COL20A1: variants seen among roughly 807,000 people sequenced by gnomAD.
The protein encoded by COL20A1 is collagen type XX alpha 1 chain, also known as collagen alpha-1(XX) chain.
Under a neutral mutation model 152.9 loss-of-function variants are expected in COL20A1, and 164 were observed. The ratio of observed to expected loss-of-function variants is 1.07; its 90% CI spans 0.94 to 1.22. The LOEUF (loss-of-function observed/expected upper bound fraction) is 1.22. Ranked by LOEUF, COL20A1 falls within the 50% of genes most tolerant of loss-of-function variation. The pLI is 0.00. For missense variants in COL20A1, 1,873 were observed against 1,744.8 expected (o/e 1.07, Z -1.31); for synonymous variants, 864 against 756.0 (o/e 1.14, Z -2.34).
chr20:63,311,142 ACCCCCCGGAGG>A lies in COL20A1; in HGVS notation c.1394-249_1394-239del, dbSNP rs2067999865. Among the ~76,000 whole-genome samples the A allele has an allele frequency of 6.6e-6, 1 of 151,176 alleles. No homozygotes were observed. The highest frequency in any genetic ancestry group is 1.5e-5 in the Non-Finnish European group (1 of 67,868). ...CTGGGTGTTTCCCAAAGCCCTTTTC[ACCCCCCGGAGG>A]CCACATTCCTCCCATGACCTCAAGG... On this transcript the variant is annotated intron_variant, in intron 11 of 35. Transcript: ENST00000358894. This position sits in a 1 kb window ranked among gnomAD's most constrained non-coding sequence, Gnocchi z 4.4.
At chr20:63,325,991 T>C in intron 29 of COL20A1, 105 bp from the exon 30 acceptor site, 1 of 1,054,618 alleles carries the variant, frequency 9.5e-7, no homozygotes, top group Admixed American at 1.8e-5. Flanking sequence ...TCACCTTTGC[T>C]GCTTGGGTTA....
At chr20:63,317,155 A>T (rs77578056) in intron 21 of COL20A1, among the ~76,000 whole-genome samples, 201 of 152,328 alleles carry the variant, frequency 1.3e-3, no homozygotes, top group African/African-American at 4.6e-3. Context: ...CTGTGATATA[A>T]GCTGCATGAC....
In COL20A1 at chr20:63,334,503, G is replaced by C. The variant is rs2123448703; in HGVS notation, c.*3787G>C. 1 of 152,320 alleles carries C rather than the reference G, an allele frequency of 6.6e-6. No homozygotes were observed. Among genetic ancestry groups the C allele is most frequent in the South Asian group, 2.1e-4 (1 of 4,822 alleles). 9.4% of individuals were successfully genotyped at this position (152,320 alleles called of 1,614,324 possible). On this transcript the variant is annotated 3_prime_UTR_variant, in exon 36 of 36. Transcript: ENST00000358894. Reference sequence around the variant, plus strand: ...GATCTCGGCTCAATGCAACCTCTGTGCCACCCTGGGCTCAAGTGGTCCTCC... The same window carrying C: ...GATCTCGGCTCAATGCAACCTCTGTCCCACCCTGGGCTCAAGTGGTCCTCC...
rs1469160204 is a variant in COL20A1 at position 63,319,544 on chromosome 20, C to G, written c.2864C>G (p.Ala955Gly). Residue 955 changes from alanine (A) to glycine (G), a missense_variant, in exon 23 of 36, where the codon GCC (alanine) becomes GGC (glycine). Physicochemically the swap from Ala to Gly is moderately conservative, Grantham distance 60. Transcript: ENST00000358894. This position sits in a 1 kb window ranked among gnomAD's most constrained non-coding sequence, Gnocchi z 4.4. Reference sequence around the variant, plus strand: ...GACCCCAGGGCTGCCTTGCAGGAGGCCACCTTCGACCCGCAGGAAGTGAGG... The same window carrying G: ...GACCCCAGGGCTGCCTTGCAGGAGGGCACCTTCGACCCGCAGGAAGTGAGG... ...HRDPRAALQE[A>G]TFDPQEVRKI... The G allele has an allele frequency of 1.3e-6, 2 of 1,597,988 alleles. No individual in the cohort carries two copies. Among genetic ancestry groups the G allele is most frequent in the East Asian group, 4.5e-5 (2 of 44,042 alleles).
At position 63,308,110 on chromosome 20, in the gene COL20A1, C is replaced by A. The variant is rs143059145; in HGVS notation, c.775+20C>A. 1 of 1,611,448 alleles carries A rather than the reference C, an allele frequency of 6.2e-7. No homozygotes were observed. The highest frequency in any genetic ancestry group is 8.5e-7 in the Non-Finnish European group (1 of 1,179,020). On this transcript the variant is annotated intron_variant, in intron 7 of 35. Transcript: ENST00000358894. ...TCACAGGTACGGCCCAGGCCTGCCC[C>A]TCCCTCTGTCCTGAGGGCGGACCTC... is the stretch of plus-strand genomic sequence containing the variant.
intron 3 of COL20A1, among the ~76,000 whole-genome samples, chr20:63,298,368 G>A (rs922453377): frequency 2.0e-5 from 3 of 152,032 alleles, no homozygotes; most frequent in African/African-American, 4.8e-5. Context: ...ACAGCTCCCC[G>A]CAGCCTCAAT....
Position 63,311,029 on chromosome 20 carries a change from C to G in COL20A1, c.1394-365C>G, listed in dbSNP as rs1036292440. ...CCTGCACCCCTAAGCACCCGCCCCC[C>G]CAGCCACCCCAAGCCACCTTCTGTC... On this transcript the variant is annotated intron_variant, in intron 11 of 35. Coordinates refer to ENST00000358894, the MANE Select transcript of COL20A1 (RefSeq NM_020882.4). This position sits in a 1 kb window ranked among gnomAD's most constrained non-coding sequence, Gnocchi z 4.4. Among the ~76,000 whole-genome samples the G allele has an allele frequency of 6.7e-6, 1 of 150,018 alleles. No individual in the cohort carries two copies. The highest frequency in any genetic ancestry group is 6.6e-5 in the Admixed American group (1 of 15,184).
chr20:63,303,998 T>C, intron 3 of COL20A1, among the ~76,000 whole-genome samples: 1 of 135,136 alleles, frequency 7.4e-6, no homozygotes. Flanking sequence ...CAGGTGTGGG[T>C]TCCTCCCTCC....
chr20:63,320,087 C>A lies in COL20A1; in HGVS notation c.2965C>A (p.Arg989=). Residue 989 remains arginine, a synonymous_variant, in exon 24 of 36, where the codon CGG becomes AGG. Transcript: ENST00000358894. The part of the protein sequence containing the change: ...RSKVRLYVDC[R]KVAERPLGEM... ...CAAGGTCAGGCTCTATGTGGACTGC[C>A]GGAAGGTGGCTGAGCGGCCCCTTGG... 3 of 1,555,074 alleles carry A rather than the reference C, an allele frequency of 1.9e-6. No homozygotes were observed. The highest frequency in any genetic ancestry group is 1.2e-5 in the South Asian group (1 of 84,534).
chr20:63,307,776 G>C, intron 6 of COL20A1, 128 bp downstream of exon 6: 1 of 1,218,972 alleles, frequency 8.2e-7, no homozygotes, highest in East Asian at 2.5e-5. Context: ...TGGGACGCCT[G>C]CTCCACATGG....
chr20:63,321,131 A>G (rs1302367338), intron 26 of COL20A1, 32 bp downstream of exon 26: 1 of 1,486,238 alleles, frequency 6.7e-7, no homozygotes, highest in Non-Finnish European at 9.2e-7. Context: ...TGGGGTGACC[A>G]GGGAACACTG....
chr20:63,312,578 T>C (rs1207181586), intron 15 of COL20A1, 29 bp downstream of exon 15: 7 of 1,526,518 alleles, frequency 4.6e-6, no homozygotes, highest in Non-Finnish European at 6.1e-6. Context: ...GGGCTGGGGG[T>C]CCAGCAGGGT....
chr20:63,326,062 A>C, intron 29 of COL20A1, 34 bp from the exon 30 acceptor site: 10 of 1,600,962 alleles, frequency 6.2e-6, no homozygotes, highest in Non-Finnish European at 8.6e-6. Context: ...ACAGGTACAA[A>C]CCCCACCCAG....
At chr20:63,304,092 T>TC (rs2067892192) in intron 3 of COL20A1, among the ~76,000 whole-genome samples, 16 of 88,728 alleles carry the variant, frequency 1.8e-4, no homozygotes, top group Admixed American at 3.7e-4. Flanking sequence ...TCCCTCCTCT[T>TC]CTCCCTCCAG....
intron 21 of COL20A1, among the ~76,000 whole-genome samples, chr20:63,317,682 C>T (rs1027565037): frequency 8.5e-5 from 13 of 152,178 alleles, no homozygotes; most frequent in South Asian, 2.1e-4. Flanking sequence ...TGGCTGAACT[C>T]GATGACTGTT....
Position 63,334,453 on chromosome 20 carries a change from C to G in COL20A1, c.*3737C>G, listed in dbSNP as rs1295642054. The stretch of plus-strand genomic sequence containing the variant: ...TTTTTGAGACAAGGTCTTGCTCTGT[C>G]ACCCAGGCTGGAGTACAGTGGCATG... On this transcript the variant is annotated 3_prime_UTR_variant, in exon 36 of 36. Transcript: ENST00000358894. The G allele has an allele frequency of 2.6e-5, 4 of 152,248 alleles. No individual in the cohort carries two copies. The highest frequency in any genetic ancestry group is 5.9e-5 in the Non-Finnish European group (4 of 68,074). 9.4% of individuals were successfully genotyped at this position (152,248 alleles called of 1,614,324 possible). A position where few individuals can be genotyped will look rare whatever the true frequency, so the allele number is the denominator to read the frequency against.
chr20:63,316,258 G>A (rs889574086), intron 20 of COL20A1, among the ~76,000 whole-genome samples: 2 of 152,128 alleles, frequency 1.3e-5, no homozygotes, highest in African/African-American at 4.8e-5. Flanking sequence ...CTGGGTCTCC[G>A]AAGCTGGGCA....
chr20:63,308,578 A>C lies in COL20A1; in HGVS notation c.812A>C (p.Gln271Pro). The change falls in exon 8 of 36, where the codon CAG becomes CCG. Residue 271 changes from glutamine to proline, a missense_variant. Physicochemically the swap from Gln to Pro is moderately conservative, Grantham distance 76. Transcript: ENST00000358894. ...ACCCACGTGCTGGGGCAGAACCTGCAGCCGGCGGCTGGCCTCCGTCCAGAG... is the reference window on the plus strand; with the variant it reads ...ACCCACGTGCTGGGGCAGAACCTGCCGCCGGCGGCTGGCCTCCGTCCAGAG... ...ALTHVLGQNL[Q>P]PAAGLRPEAA... 6.2e-7 allele frequency: 1 copy of C among 1,605,506 alleles called. No homozygotes were observed. The highest frequency in any genetic ancestry group is 8.5e-7 in the Non-Finnish European group (1 of 1,176,722).
At position 63,318,510 on chromosome 20, in the gene COL20A1, T is replaced by C. The variant is rs548471963; in HGVS notation, c.2664-548T>C. On this transcript the variant is annotated intron_variant, in intron 21 of 35. Coordinates refer to ENST00000358894, the MANE Select transcript of COL20A1 (RefSeq NM_020882.4). ...CCCCTCAGGGTGTCTGGCTGGGCACTGGCCAGGACCCACTGGGCGGTGCCA... is the reference window on the plus strand; with the variant it reads ...CCCCTCAGGGTGTCTGGCTGGGCACCGGCCAGGACCCACTGGGCGGTGCCA... Among the ~76,000 whole-genome samples, 3 of 152,226 alleles carry C rather than the reference T, an allele frequency of 2.0e-5. No individual in the cohort carries two copies. In the East Asian group the frequency reaches 5.8e-4, roughly 30 times the overall value.
Sources: allele counts gnomAD v4.1 joint callset (sites outside exome capture counted in the v4.1 genomes callset), GRCh38; gene constraint gnomAD v4.1.1; non-coding constraint Gnocchi (gnomAD v3.1); transcripts MANE v1.5; gene names NCBI Gene and HGNC (gene_info 2026-07-23, HGNC 2026-07-21).